The following MIB2 variants were observed in gnomAD, a reference collection of about 807,000 sequenced individuals.
MIB2 encodes E3 ubiquitin-protein ligase MIB2.
In MIB2, 78 loss-of-function variants were observed where a neutral mutation model predicts 96.6. The ratio of observed to expected loss-of-function variants is 0.81; its 90% CI spans 0.67 to 0.97. The LOEUF is 0.97. Ranked by LOEUF, MIB2 falls within the 50% of genes least tolerant of loss-of-function variation. The pLI, the probability that MIB2 is intolerant of heterozygous loss-of-function variation, is 0.00. For synonymous variants in MIB2, 820 were observed against 629.5 expected, an observed-to-expected ratio of 1.30 and a Z score of -4.53; for missense variants, 1,543 against 1,424.0, an observed-to-expected ratio of 1.08 and a Z score of -1.35.
intron 16 of MIB2, 162 bp from the exon 17 acceptor site, chr1:1,628,971 A>T (rs896178820): frequency 1.0e-5 from 8 of 787,932 alleles, no homozygotes; most frequent in African/African-American, 1.8e-5. Context: ...CTCACCTAGC[A>T]GGGCGCCCCT....
At position 1,629,242 on chromosome 1, in the gene MIB2, G is replaced by A. The variant is rs1399204091; in HGVS notation, c.2312G>A (p.Arg771Gln). 3 of 1,545,142 alleles carry A rather than the reference G, an allele frequency of 1.9e-6. No homozygotes were observed. The Admixed American group carries it at 5.6e-5, about 29-fold the overall frequency. The change falls in exon 17 of 20, where the codon CGG (arginine) becomes CAG (glutamine). Residue 771 changes from arginine to glutamine, a missense_variant. Coordinates refer to ENST00000355826, the MANE Select transcript of MIB2 (RefSeq NM_001170687.4). ...ADVSYTNHRG[R>Q]SPLDLAAEGR... ...GTGAGCTACACCAACCACCGCGGTC[G>A]GAGCCCGCTGGACCTGGCCGCCGAG...
In MIB2 at chr1:1,626,511, G is replaced by A; in HGVS notation, c.973-139G>A. 1 of 695,396 alleles carries A rather than the reference G, an allele frequency of 1.4e-6. No individual in the cohort carries two copies. The highest frequency in any genetic ancestry group is 1.9e-5 in the South Asian group (1 of 51,674). 43.1% of individuals were successfully genotyped at this position (695,396 alleles called of 1,614,324 possible). The stretch of plus-strand genomic sequence containing the variant: ...TCTCGTCCAGCCAGAGCCTCTGGCA[G>A]TGCCTGGGGTCGGGGTCGGGGCCGG... On this transcript the variant is annotated intron_variant, in intron 8 of 19. Transcript: ENST00000355826. This position sits in a 1 kb window ranked among gnomAD's most constrained non-coding sequence, Gnocchi z 5.3.
intron 2 of MIB2, among the ~76,000 whole-genome samples, chr1:1,622,730 C>T (rs775146145): frequency 3.9e-5 from 6 of 152,196 alleles, no homozygotes; most frequent in East Asian, 1.9e-4. Flanking sequence ...GAGTGCCTTG[C>T]GTGGCCAGGG....
intron 2 of MIB2, among the ~76,000 whole-genome samples, chr1:1,620,089 C>G (rs1483399182): frequency 6.6e-6 from 1 of 152,252 alleles, no homozygotes; most frequent in Non-Finnish European, 1.5e-5. Flanking sequence ...TGCCCATCCC[C>G]CCAAGGGCAA....
chr1:1,625,207 T>TCC lies in MIB2; in HGVS notation c.721+23_721+24dup. The TCC allele has an allele frequency of 6.2e-7, 1 of 1,603,550 alleles. No homozygotes were observed. Among genetic ancestry groups the TCC allele is most frequent in the Non-Finnish European group, 8.5e-7 (1 of 1,174,264 alleles). ...CTCGGTATGAGGCTGTCACACTGAC[T>TCC]CCATCAGCCCTCCTGCCTTGGCTGA... On this transcript the variant is annotated intron_variant, in intron 6 of 19. Coordinates refer to ENST00000355826, the MANE Select transcript of MIB2 (RefSeq NM_001170687.4). The surrounding 1 kb of genome is among the most constrained non-coding windows in gnomAD (Gnocchi z 5.0).
At chr1:1,624,761 C>T (rs1644578377) in intron 4 of MIB2, 34 bp from the exon 5 acceptor site, 3 of 1,592,572 alleles carry the variant, frequency 1.9e-6, no homozygotes, top group Non-Finnish European at 2.6e-6. Flanking sequence ...TGGCGGTTTT[C>T]TTCTGAGAGC....
Position 1,629,417 on chromosome 1 carries a change from GC to G in MIB2, c.2418del (p.Arg807GlyfsTer10), listed in dbSNP as rs1391842789. On this transcript the variant is annotated frameshift_variant, in exon 18 of 20. Transcript: ENST00000355826. LOFTEE classifies it high-confidence loss of function. ...CAGGCGGGCGGGGGCGCGGCCCCGG[GC>G]CCCAGGCAAACGCTCGGGACCCCCA... Reference protein sequence around the residue: ...ERQAGGGAAPGPRQTLGTPNT... With the variant: ...ERQAGGGAAPXPRQTLGTPNT... 1 of 1,484,608 alleles carries G rather than the reference GC, an allele frequency of 6.7e-7. No individual in the cohort carries two copies. The highest frequency in any genetic ancestry group is 8.9e-7 in the Non-Finnish European group (1 of 1,127,356). The allele number at this position is 1,484,608 out of a possible 1,614,324, so 92.0% of individuals were successfully genotyped here.
In MIB2 at chr1:1,627,147, G is replaced by A; in HGVS notation, c.1314G>A (p.Val438=). 2 of 1,593,776 alleles carry A rather than the reference G, an allele frequency of 1.3e-6. No individual in the cohort carries two copies. The highest frequency in any genetic ancestry group is 1.1e-5 in the South Asian group (1 of 89,096). ...SDPEHPGRLV[V]EVALGNAARA... ...CAGAGCACCCGGGAAGGCTGGTGGTGGAGGTGGCGCTGGGTAACGCAGCCC... is the reference window on the plus strand; with the variant it reads ...CAGAGCACCCGGGAAGGCTGGTGGTAGAGGTGGCGCTGGGTAACGCAGCCC... Residue 438 remains valine, a synonymous_variant, in exon 11 of 20, where the codon GTG becomes GTA. Coordinates refer to ENST00000355826, the MANE Select transcript of MIB2 (RefSeq NM_001170687.4).
intron 17 of MIB2, 24 bp downstream of exon 17, chr1:1,629,335 G>A: frequency 6.9e-7 from 1 of 1,451,088 alleles, no homozygotes; most frequent in South Asian, 1.5e-5. Flanking sequence ...CGGCGGGGAT[G>A]GGGTCCGGCG....
chr1:1,628,917 T>C, intron 16 of MIB2, 195 bp downstream of exon 16: 1 of 710,862 alleles, frequency 1.4e-6, no homozygotes, highest in Non-Finnish European at 2.2e-6. Context: ...GGGAAAGGGG[T>C]GGTGCCCATG....
At chr1:1,629,051 C>T (rs1354804530) in intron 16 of MIB2, 82 bp from the exon 17 acceptor site, 3 of 1,329,710 alleles carry the variant, frequency 2.3e-6, no homozygotes, top group African/African-American at 3.1e-5. Context: ...GCGCCGGCTG[C>T]TGGGGCTGCC....
At chr1:1,618,404 G>A (rs1440517502) in intron 2 of MIB2, 2 of 152,470 alleles carry the variant, frequency 1.3e-5, no homozygotes, top group East Asian at 3.8e-4. Flanking sequence ...GGGCCCTTGG[G>A]GGAACATCTG....
rs1383581764 is a variant in MIB2, at chr1:1,623,921, G to A, written c.395G>A (p.Arg132His). The change falls in exon 4 of 20, where the codon CGC becomes CAC. Residue 132 changes from arginine to histidine, a missense_variant. Physicochemically the swap from Arg to His is conservative, Grantham distance 29. Transcript: ENST00000355826. ...CATGAGCTCGCCCACGCCTTCGACC[G>A]CTACGAGACCGCTCACTCGCGCCCG... ...NKHELAHAFDRYETAHSRPVT... is the reference protein window; with the variant it reads ...NKHELAHAFDHYETAHSRPVT... 3.7e-6 allele frequency: 6 copies of A among 1,609,962 alleles called. No individual in the cohort carries two copies. Among genetic ancestry groups the A allele is most frequent in the South Asian group, 1.1e-5 (1 of 90,936 alleles).
At position 1,630,408 on chromosome 1, in the gene MIB2, G is replaced by T; in HGVS notation, c.2746G>T (p.Asp916Tyr). The T allele has an allele frequency of 6.3e-7, 1 of 1,577,072 alleles. No individual in the cohort carries two copies. Residue 916 changes from aspartate to tyrosine, a missense_variant, in exon 20 of 20, where the codon GAC becomes TAC. Coordinates refer to ENST00000355826, the MANE Select transcript of MIB2 (RefSeq NM_001170687.4). Reference sequence around the variant, plus strand: ...ACGCATCACCTGCCCCATCTGCATCGACAGCCACATCCGCCTCGTGTTCCA... The same window carrying T: ...ACGCATCACCTGCCCCATCTGCATCTACAGCCACATCCGCCTCGTGTTCCA... ...EERITCPICI[D>Y]SHIRLVFQCG...
In MIB2 at chr1:1,625,508, C is replaced by T. The variant is rs750257304; in HGVS notation, c.865-38C>T. On this transcript the variant is annotated intron_variant, in intron 7 of 19. Coordinates refer to ENST00000355826, the MANE Select transcript of MIB2 (RefSeq NM_001170687.4). This position sits in a 1 kb window ranked among gnomAD's most constrained non-coding sequence, Gnocchi z 5.0. Reference sequence around the variant, plus strand: ...CCTCAGCCCCTTCCTCCCCAAGCGTCCAGCCCGACCCAGCCACAGCTCCAT... The same window carrying T: ...CCTCAGCCCCTTCCTCCCCAAGCGTTCAGCCCGACCCAGCCACAGCTCCAT... 3 of 1,538,984 alleles carry T rather than the reference C, an allele frequency of 1.9e-6. No homozygotes were observed. The highest frequency in any genetic ancestry group is 2.4e-5 in the East Asian group (1 of 40,828).
Position 1,629,162 on chromosome 1 carries a change from G to C in MIB2, c.2232G>C (p.Ala744=). The change falls in exon 17 of 20, where the codon GCG becomes GCC. Residue 744 remains alanine (A), a synonymous_variant. Transcript: ENST00000355826. ...RLQASGLPGS[A]ELTVGAAVAC... is the part of the protein sequence containing the mutation. ...AGGCCTCGGGCCTCCCCGGCAGCGC[G>C]GAGCTGACGGTGGGCGCGGCGGTCG... is the stretch of plus-strand genomic sequence containing the variant. The C allele has an allele frequency of 6.7e-7, 1 of 1,502,710 alleles. No individual in the cohort carries two copies. The highest frequency in any genetic ancestry group is 8.8e-7 in the Non-Finnish European group (1 of 1,134,146). The allele number at this position is 1,502,710 out of a possible 1,614,324, so 93.1% of individuals were successfully genotyped here.
chr1:1,615,658 C>A, intron 1 of MIB2, 25 bp downstream of exon 1: 1 of 1,561,346 alleles, frequency 6.4e-7, no homozygotes, highest in Non-Finnish European at 8.6e-7. Flanking sequence ...GGATCTCCTC[C>A]CCTGGTCCTC....
intron 19 of MIB2, among the ~76,000 whole-genome samples, 155 bp from the exon 20 acceptor site, chr1:1,630,137 C>T (rs1209938371): frequency 7.3e-5 from 11 of 150,044 alleles, no homozygotes; most frequent in Middle Eastern, 3.4e-3. Context: ...CCGGGCCCCA[C>T]CTCTGCCTCC....
Position 1,627,362 on chromosome 1 carries a change from A to G in MIB2, c.1441A>G (p.Ile481Val). The change falls in exon 12 of 20, where the codon ATA (isoleucine) becomes GTA (valine). Residue 481 changes from isoleucine to valine, a missense_variant. Ile to Val is a conservative substitution (Grantham distance 29). Transcript: ENST00000355826. ...TGCCTACCTGGGCCAGGTGGAGTTGATACGGCTGCTGCTACAAGCCAGGGC... is the reference window on the plus strand; with the variant it reads ...TGCCTACCTGGGCCAGGTGGAGTTGGTACGGCTGCTGCTACAAGCCAGGGC... ...VAAYLGQVEL[I>V]RLLLQARAGV... 1 of 1,612,992 alleles carries G rather than the reference A, an allele frequency of 6.2e-7. No individual in the cohort carries two copies. Among genetic ancestry groups the G allele is most frequent in the South Asian group, 1.1e-5 (1 of 91,078 alleles).
Sources: allele counts gnomAD v4.1 joint callset (sites outside exome capture counted in the v4.1 genomes callset), GRCh38; gene constraint gnomAD v4.1.1; non-coding constraint Gnocchi (gnomAD v3.1); transcripts MANE v1.5; gene names NCBI Gene and HGNC (gene_info 2026-07-23, HGNC 2026-07-21).